Variants in MACROD2 observed in about 807,000 individuals in gnomAD.
MACROD2 encodes the protein ADP-ribose glycohydrolase MACROD2.
A neutral mutation model predicts 70.4 loss-of-function variants in MACROD2; 36 were observed. The observed-to-expected ratio is 0.51, with a 90% CI of 0.39 to 0.68. MACROD2 has a LOEUF of 0.68. Among genes scored for constraint, MACROD2 ranks in the 30% least tolerant of loss-of-function variants. The probability of loss-of-function intolerance (pLI) is 0.00; values close to 1 mark genes in which losing one functional copy is unlikely to be tolerated. For missense variants in MACROD2, 496 were observed against 538.4 expected (o/e 0.92, Z 0.78); for synonymous variants, 172 against 178.8 (o/e 0.96, Z 0.30).
At chr20:14,200,845 A>G (rs1162160253) in intron 3 of MACROD2, among the ~76,000 whole-genome samples, 1 of 151,682 alleles carries the variant, frequency 6.6e-6, no homozygotes, top group East Asian at 1.9e-4. Context: ...TGAATTATTC[A>G]TGCCTTTTTG....
At chr20:15,266,491 A>C (rs1383871573) in intron 6 of MACROD2, among the ~76,000 whole-genome samples, 4 of 152,232 alleles carry the variant, frequency 2.6e-5, no homozygotes, top group Admixed American at 2.6e-4. Context: ...CAGTTAAAGG[A>C]GAAAGGATGT....
chr20:15,880,450 G>A (rs1262667211), intron 9 of MACROD2, among the ~76,000 whole-genome samples: 2 of 151,708 alleles, frequency 1.3e-5, no homozygotes, highest in Non-Finnish European at 2.9e-5. Context: ...GGGGCGGCGG[G>A]GGTGTGGCAG....
At chr20:14,892,098 T>C (rs1436611286) in intron 5 of MACROD2, among the ~76,000 whole-genome samples, 1 of 152,232 alleles carries the variant, frequency 6.6e-6, no homozygotes, top group Non-Finnish European at 1.5e-5. Flanking sequence ...TCCTTTCTTT[T>C]TCATGACATA....
intron 3 of MACROD2, among the ~76,000 whole-genome samples, chr20:14,434,719 A>G (rs970684277): frequency 1.8e-4 from 28 of 152,076 alleles, no homozygotes; most frequent in Admixed American, 4.6e-4. Context: ...TCTTGACTCT[A>G]TGTCCCCCAT....
chr20:15,491,079 C>A (rs148287712), intron 7 of MACROD2, among the ~76,000 whole-genome samples: 1 of 152,174 alleles, frequency 6.6e-6, no homozygotes, highest in Non-Finnish European at 1.5e-5. Context: ...GTGACTTATA[C>A]ATAATAATTG....
At chr20:14,155,814 A>C (rs2055094390) in intron 3 of MACROD2, among the ~76,000 whole-genome samples, 2 of 152,180 alleles carry the variant, frequency 1.3e-5, no homozygotes, top group African/African-American at 4.8e-5. Flanking sequence ...AAAGTTATCT[A>C]TCATTTTGTT....
intron 8 of MACROD2, among the ~76,000 whole-genome samples, chr20:15,810,434 C>T (rs1182580389): frequency 4.6e-5 from 7 of 151,710 alleles, no homozygotes; most frequent in African/African-American, 1.2e-4. Context: ...CCTGAGGAAT[C>T]GCCACACTGA....
At chr20:15,311,959 A>C (rs2077757759) in intron 6 of MACROD2, among the ~76,000 whole-genome samples, 1 of 152,198 alleles carries the variant, frequency 6.6e-6, no homozygotes, top group African/African-American at 2.4e-5. Flanking sequence ...AACCAAAGTG[A>C]AATTTTAAAA....
chr20:14,119,768 G>A (rs2148691238), intron 3 of MACROD2, among the ~76,000 whole-genome samples: 1 of 152,180 alleles, frequency 6.6e-6, no homozygotes, highest in South Asian at 2.1e-4. Flanking sequence ...GACTTAACAG[G>A]AATATATAGG....
intron 3 of MACROD2, among the ~76,000 whole-genome samples, chr20:14,159,270 T>C (rs1339406249): frequency 6.6e-6 from 1 of 152,010 alleles, no homozygotes; most frequent in Non-Finnish European, 1.5e-5. Flanking sequence ...AACAGAAAAA[T>C]AACATTAGTA....
At chr20:15,220,252 T>A (rs2076847772) in intron 5 of MACROD2, among the ~76,000 whole-genome samples, 1 of 152,212 alleles carries the variant, frequency 6.6e-6, no homozygotes, top group African/African-American at 2.4e-5. Context: ...TTTTCTCTAA[T>A]CTGGTACATC....
intron 2 of MACROD2, among the ~76,000 whole-genome samples, chr20:14,068,112 G>A (rs563711144): frequency 2.6e-5 from 4 of 152,156 alleles, no homozygotes; most frequent in South Asian, 2.1e-4. Context: ...GCTCTCATGC[G>A]CATGATTTTT....
At chr20:16,024,421 T>TA (rs1239227154) in intron 15 of MACROD2, among the ~76,000 whole-genome samples, 1 of 152,080 alleles carries the variant, frequency 6.6e-6, no homozygotes, top group African/African-American at 2.4e-5. Flanking sequence ...CAAATAGCTA[T>TA]AAAAAATACA....
At chr20:14,170,820 G>A (rs1479334152) in intron 3 of MACROD2, among the ~76,000 whole-genome samples, 1 of 152,030 alleles carries the variant, frequency 6.6e-6, no homozygotes, top group Admixed American at 6.6e-5. Flanking sequence ...TTTTTATTAT[G>A]TGCTTTTCTG....
intron 3 of MACROD2, among the ~76,000 whole-genome samples, chr20:14,274,775 A>T (rs2082233984): frequency 6.6e-6 from 1 of 151,930 alleles, no homozygotes; most frequent in South Asian, 2.1e-4. Flanking sequence ...AATCTCCTTA[A>T]GCTGATAAGC....
At chr20:14,844,077 C>A (rs6131616) in intron 5 of MACROD2, among the ~76,000 whole-genome samples, 1 of 152,082 alleles carries the variant, frequency 6.6e-6, no homozygotes, top group Admixed American at 6.5e-5. Context: ...CTATCCTGGC[C>A]TTCCACCTCA....
In MACROD2 at chr20:15,314,626, C is replaced by T. The variant is rs894687079; in HGVS notation, c.540+84565C>T. Among the ~76,000 whole-genome samples the T allele has an allele frequency of 6.6e-5, 10 of 152,110 alleles. 1 individual carries two copies. The highest frequency in any genetic ancestry group is 4.6e-4 in the Admixed American group (7 of 15,270). On this transcript the variant is annotated intron_variant, in intron 6 of 17. Coordinates refer to ENST00000684519, the MANE Select transcript of MACROD2 (RefSeq NM_001351661.2). ...TTGGGGCTTGCCTGAGGGACTGATG[C>T]AAGTTGTTTGTCTTTATTTTGCCTA...
At chr20:15,219,045 C>CA (rs1342587848) in intron 5 of MACROD2, among the ~76,000 whole-genome samples, 1,681 of 140,276 alleles carry the variant, frequency 0.012, 30 homozygotes, top group African/African-American at 0.036. Flanking sequence ...GACTCCGTCT[C>CA]AAAAAAAAAA....
chr20:15,627,320 A>C (rs1199987645), intron 8 of MACROD2, among the ~76,000 whole-genome samples: 1 of 151,922 alleles, frequency 6.6e-6, no homozygotes, highest in Non-Finnish European at 1.5e-5. Flanking sequence ...TAGGAAGATT[A>C]GTATGGTAAT....
Sources: gnomAD v4.1 joint callset for allele counts (sites outside exome capture counted in the v4.1 genomes callset) on GRCh38, gnomAD v4.1.1 for gene constraint, MANE v1.5 for transcripts, NCBI Gene and HGNC (gene_info 2026-07-23, HGNC 2026-07-21) for gene names.